MTERF3: variants seen among roughly 807,000 people sequenced by gnomAD.
MTERF3 encodes the protein transcription termination factor 3, mitochondrial.
A neutral mutation model predicts 40.5 loss-of-function variants in MTERF3; 40 were observed. The ratio of observed to expected loss-of-function variants is 0.99; its 90% CI spans 0.77 to 1.29. MTERF3 has a LOEUF of 1.29. Ranked by LOEUF, MTERF3 falls within the 50% of genes most tolerant of loss-of-function variation. The probability of loss-of-function intolerance (pLI) is 0.00; values close to 1 mark genes in which losing one functional copy is unlikely to be tolerated. For synonymous variants in MTERF3, 158 were observed against 166.6 expected (o/e 0.95, Z 0.40); for missense variants, 452 against 478.2 (o/e 0.95, Z 0.51).
At chr8:96,241,107 C>T (rs923926621) in intron 7 of MTERF3, among the ~76,000 whole-genome samples, 2 of 151,900 alleles carry the variant, frequency 1.3e-5, no homozygotes, top group Admixed American at 6.6e-5. Context: ...TGCAGTGATT[C>T]TTGGCTTAAA....
At chr8:96,257,265 T>A in intron 2 of MTERF3, 151 bp from the exon 3 acceptor site, 1 of 710,156 alleles carries the variant, frequency 1.4e-6, no homozygotes, top group Non-Finnish European at 2.2e-6. Flanking sequence ...TTTCACCTTT[T>A]AAGAGGTAAG....
Position 96,246,338 on chromosome 8 carries a change from A to C in MTERF3, c.794T>G (p.Phe265Cys). 3 of 1,607,858 alleles carry C rather than the reference A, an allele frequency of 1.9e-6. No homozygotes were observed. The highest frequency in any genetic ancestry group is 2.5e-6 in the Non-Finnish European group (3 of 1,178,822). The change falls in exon 5 of 8, where the codon TTT becomes TGT. Residue 265 changes from phenylalanine to cysteine, a missense_variant. Phe to Cys is a radical substitution (Grantham distance 205). Transcript: ENST00000287025. Reference protein sequence around the residue: ...VERLDNRLGFFQKELELSVKK... With the variant: ...VERLDNRLGFCQKELELSVKK... ...CACACTAAGTTCAAGTTCTTTCTGA[A>C]AAAATCCCAATCTGTTATCCAGTCT...
At chr8:96,239,780 T>G in intron 7 of MTERF3, 95 bp from the exon 8 acceptor site, 1 of 801,162 alleles carries the variant, frequency 1.2e-6, no homozygotes, top group Non-Finnish European at 2.1e-6. Flanking sequence ...GGTTAACCAA[T>G]ACCAAGTACT....
chr8:96,257,217 T>C lies in MTERF3; in HGVS notation c.335-103A>G, dbSNP rs531080334. The C allele has an allele frequency of 3.1e-4, 384 of 1,239,430 alleles. 5 individuals are homozygous for C. The South Asian group carries it at 6.0e-3, about 19-fold the overall frequency. 76.8% of individuals were successfully genotyped at this position (1,239,430 alleles called of 1,614,324 possible). On this transcript the variant is annotated intron_variant, in intron 2 of 7. Coordinates refer to ENST00000287025, the MANE Select transcript of MTERF3 (RefSeq NM_015942.5). Reference sequence around the variant, plus strand: ...TTTGCTTCTTTCAGTGGTTAAATCTTGGGATCATTTTAGAATTAAACATCC... The same window carrying C: ...TTTGCTTCTTTCAGTGGTTAAATCTCGGGATCATTTTAGAATTAAACATCC...
At chr8:96,250,656 GAAGAAGAAGAAGA>G (rs1810148021) in intron 4 of MTERF3, among the ~76,000 whole-genome samples, 4 of 29,184 alleles carry the variant, frequency 1.4e-4, no homozygotes, top group African/African-American at 5.2e-4. Context: ...AGAAGAAGAA[GAAGAAGAAGAAGA>G]AGAAGAAGAA....
intron 7 of MTERF3, among the ~76,000 whole-genome samples, chr8:96,240,099 T>C (rs1809895686): frequency 6.6e-6 from 1 of 152,070 alleles, no homozygotes; most frequent in African/African-American, 2.4e-5. Flanking sequence ...CATACAAAAA[T>C]TAGCTGGGCG....
At chr8:96,257,559 ATACAT>A (rs2129947306) in intron 2 of MTERF3, among the ~76,000 whole-genome samples, 2 of 152,284 alleles carry the variant, frequency 1.3e-5, no homozygotes, top group South Asian at 4.1e-4. Flanking sequence ...TTACCCTCAA[ATACAT>A]CTTTAAAAGG....
At chr8:96,259,938 C>T (rs1810350918) in intron 1 of MTERF3, among the ~76,000 whole-genome samples, 2 of 151,638 alleles carry the variant, frequency 1.3e-5, no homozygotes, top group South Asian at 4.2e-4. Flanking sequence ...GAGTTTCGCC[C>T]TTGTTGCCCA....
chr8:96,242,972 A>G (rs1809955772), intron 7 of MTERF3, among the ~76,000 whole-genome samples: 1 of 152,196 alleles, frequency 6.6e-6, no homozygotes, highest in Non-Finnish European at 1.5e-5. Context: ...CCATGAGCCA[A>G]ATTCACAAAA....
intron 3 of MTERF3, among the ~76,000 whole-genome samples, chr8:96,253,863 T>A (rs1427677948): frequency 1.4e-5 from 2 of 147,582 alleles, no homozygotes; most frequent in East Asian, 2.0e-4. Context: ...AAAAAAAAAA[T>A]TAGCCCAGAT....
chr8:96,242,223 C>T (rs887134373), intron 7 of MTERF3, among the ~76,000 whole-genome samples: 50 of 152,194 alleles, frequency 3.3e-4, no homozygotes, highest in African/African-American at 1.1e-3. Flanking sequence ...CCAATAATTC[C>T]ACCTAGACTC....
chr8:96,257,909 T>G (rs1222683007), intron 2 of MTERF3, among the ~76,000 whole-genome samples: 1 of 152,184 alleles, frequency 6.6e-6, no homozygotes, highest in Non-Finnish European at 1.5e-5. Flanking sequence ...AAGGAGAGGA[T>G]TGACTAAAAA....
At chr8:96,254,150 G>A (rs562429298) in intron 3 of MTERF3, among the ~76,000 whole-genome samples, 2 of 152,278 alleles carry the variant, frequency 1.3e-5, no homozygotes, top group African/African-American at 4.8e-5. Context: ...GCCTCTGAAT[G>A]TACACTTTTT....
intron 7 of MTERF3, 55 bp from the exon 8 acceptor site, chr8:96,239,740 TAAA>T (rs777764974): frequency 2.4e-4 from 343 of 1,437,364 alleles, no homozygotes; most frequent in Non-Finnish European, 3.1e-4. Flanking sequence ...GATGAAATAT[TAAA>T]AAGTTTACTT....
chr8:96,250,639 AAG>A (rs1491568237), intron 4 of MTERF3, among the ~76,000 whole-genome samples: 2 of 30,348 alleles, frequency 6.6e-5, no homozygotes, highest in Non-Finnish European at 1.6e-4. Context: ...GAAGAAGAAG[AAG>A]AAGAAGAAGA....
chr8:96,261,036 CA>C (rs904761332), intron 1 of MTERF3, among the ~76,000 whole-genome samples: 3 of 152,212 alleles, frequency 2.0e-5, no homozygotes, highest in African/African-American at 7.2e-5. Context: ...AGGAAAATTA[CA>C]GAAAACCCTT....
rs751610771 is a variant in MTERF3, at chr8:96,258,670, C to T, written c.21G>A (p.Gln7=). The T allele has an allele frequency of 5.6e-6, 9 of 1,602,130 alleles. No homozygotes were observed. Among genetic ancestry groups the T allele is most frequent in the Non-Finnish European group, 7.7e-6 (9 of 1,171,668 alleles). The part of the protein sequence containing the change: MALSAQ[Q]IPRWFNSVKL... ...TAACTGAGTTAAACCATCTGGGTAT[C>T]TGTTGGGCTGACAAAGCCATTTTTC... Residue 7 remains glutamine (Q), a synonymous_variant, in exon 2 of 8, where the codon CAG becomes CAA. Coordinates refer to ENST00000287025, the MANE Select transcript of MTERF3 (RefSeq NM_015942.5).
chr8:96,257,470 G>A (rs1810302675), intron 2 of MTERF3, among the ~76,000 whole-genome samples: 1 of 152,164 alleles, frequency 6.6e-6, no homozygotes, highest in South Asian at 2.1e-4. Context: ...GTACACATAT[G>A]CCAACAGTCT....
At chr8:96,260,053 C>CGCTA (rs1372302221) in intron 1 of MTERF3, 40 of 152,162 alleles carry the variant, frequency 2.6e-4, no homozygotes, top group African/African-American at 9.4e-4. Flanking sequence ...TACCCACGCC[C>CGCTA]GCTACTATGC....
Sources: gnomAD v4.1 joint callset for allele counts (sites outside exome capture counted in the v4.1 genomes callset) on GRCh38, gnomAD v4.1.1 for gene constraint, MANE v1.5 for transcripts, NCBI Gene and HGNC (gene_info 2026-07-23, HGNC 2026-07-21) for gene names.